The following LINGO2 variants were observed in gnomAD, a reference collection of about 807,000 sequenced individuals.
LINGO2 encodes leucine-rich repeat and immunoglobulin-like domain-containing nogo receptor-interacting protein 2.
In LINGO2, 14 loss-of-function variants were observed where a neutral mutation model predicts 30.6. That is an observed-to-expected ratio of 0.46 (90% CI 0.30 to 0.72). LINGO2 has a LOEUF of 0.72. Ranked by LOEUF, LINGO2 falls within the 30% of genes least tolerant of loss-of-function variation. LINGO2 has a pLI of 0.07. For missense variants in LINGO2, 729 were observed against 751.7 expected, an observed-to-expected ratio of 0.97 and a Z score of 0.35; for synonymous variants, 317 against 288.5, an observed-to-expected ratio of 1.10 and a Z score of -1.00.
At chr9:28,133,995 C>A (rs184100488) in intron 4 of LINGO2, among the ~76,000 whole-genome samples, 4 of 152,222 alleles carry the variant, frequency 2.6e-5, no homozygotes, top group Admixed American at 6.5e-5. Flanking sequence ...CATCATCTAC[C>A]CTATTCTCCA....
At chr9:28,539,435 T>C in intron 1 of LINGO2, among the ~76,000 whole-genome samples, 1 of 152,032 alleles carries the variant, frequency 6.6e-6, no homozygotes, top group Admixed American at 6.6e-5. Context: ...GGTTTCAAAA[T>C]ATAAATGAAC....
chr9:28,250,067 A>G (rs1822142557), intron 4 of LINGO2, among the ~76,000 whole-genome samples: 1 of 152,152 alleles, frequency 6.6e-6, no homozygotes, highest in South Asian at 2.1e-4. Flanking sequence ...TACTGACACC[A>G]AAAGGACTGA....
chr9:28,189,798 G>C (rs570335315), intron 4 of LINGO2, among the ~76,000 whole-genome samples: 1 of 152,018 alleles, frequency 6.6e-6, no homozygotes, highest in Non-Finnish European at 1.5e-5. Flanking sequence ...AAAGCTTGAA[G>C]CAGTTGTGAT....
At chr9:28,842,477 A>T in the LINGO2 span, among the ~76,000 whole-genome samples, 1 of 151,854 alleles carries the variant, frequency 6.6e-6, no homozygotes, top group East Asian at 1.9e-4. Context: ...ATGAATGGAG[A>T]TTGTCATGCC....
chr9:28,698,154 G>A, the LINGO2 span, among the ~76,000 whole-genome samples: 2 of 151,880 alleles, frequency 1.3e-5, no homozygotes, highest in Admixed American at 6.6e-5. Context: ...TAAACTTCAG[G>A]GTGATCTGAG....
chr9:28,944,241 C>T, the LINGO2 span, among the ~76,000 whole-genome samples: 6 of 152,038 alleles, frequency 3.9e-5, no homozygotes, highest in Non-Finnish European at 8.8e-5. Context: ...ACATTCAGAC[C>T]CTTGAAGGAT....
rs566701715 is a variant in LINGO2 at position 28,198,169 on chromosome 9, C to A, written c.-87+97039G>T. ...ATTGAGAAATTTCAGGAAAAAAAAA[C>A]TAAATGTCCATCAATAAGTTGACTC... is the stretch of plus-strand genomic sequence containing the variant. On this transcript the variant is annotated intron_variant, in intron 4 of 5. Coordinates refer to ENST00000379992, the Ensembl canonical transcript of LINGO2. Among the ~76,000 whole-genome samples, 48 of 147,976 alleles carry A rather than the reference C, an allele frequency of 3.2e-4. No homozygotes were observed. In the East Asian group the frequency reaches 3.4e-3, roughly 11 times the overall value.
chr9:27,967,900 A>G (rs145324393), intron 5 of LINGO2, among the ~76,000 whole-genome samples: 47 of 152,304 alleles, frequency 3.1e-4, no homozygotes, highest in Admixed American at 6.5e-4. Context: ...AAACAATTAT[A>G]TATCAGTCAA....
intron 3 of LINGO2, among the ~76,000 whole-genome samples, chr9:28,343,763 A>G (rs1227480008): frequency 6.6e-6 from 1 of 152,108 alleles, no homozygotes; most frequent in African/African-American, 2.4e-5. Flanking sequence ...CACCATTTCT[A>G]TAGGACACAT....
the LINGO2 span, among the ~76,000 whole-genome samples, chr9:29,033,038 A>T: frequency 6.6e-6 from 1 of 152,118 alleles, no homozygotes; most frequent in Admixed American, 6.6e-5. Flanking sequence ...TATAATATAT[A>T]CTTTAATGCT....
the LINGO2 span, among the ~76,000 whole-genome samples, chr9:28,759,272 C>A: frequency 1.3e-5 from 2 of 151,988 alleles, no homozygotes; most frequent in South Asian, 2.1e-4. Flanking sequence ...GTAGATGAGA[C>A]ATTTTGAATA....
the LINGO2 span, among the ~76,000 whole-genome samples, chr9:29,036,417 T>A: frequency 9.2e-5 from 14 of 151,884 alleles, no homozygotes; most frequent in South Asian, 8.3e-4. Context: ...AGAAAAAAAA[T>A]AATGAATCAT....
the LINGO2 span, among the ~76,000 whole-genome samples, chr9:28,961,701 C>T: frequency 6.6e-6 from 1 of 152,114 alleles, no homozygotes; most frequent in African/African-American, 2.4e-5. Flanking sequence ...AACCATCGTT[C>T]AAGGTGAAAA....
chr9:28,561,357 C>T (rs527555972), intron 1 of LINGO2, among the ~76,000 whole-genome samples: 1 of 151,672 alleles, frequency 6.6e-6, no homozygotes, highest in Admixed American at 6.6e-5. Flanking sequence ...AGATACGAAC[C>T]TGAGTATCAT....
the LINGO2 span, among the ~76,000 whole-genome samples, chr9:28,874,798 G>A: frequency 2.0e-5 from 3 of 152,010 alleles, no homozygotes; most frequent in African/African-American, 7.2e-5. Context: ...TCTAGCTTTT[G>A]GTAGTTAAAT....
chr9:28,004,307 TA>T (rs1269785585), intron 5 of LINGO2, among the ~76,000 whole-genome samples: 46 of 152,322 alleles, frequency 3.0e-4, no homozygotes, highest in African/African-American at 1.0e-3. Flanking sequence ...AATGTATATT[TA>T]AATAGACAGT....
chr9:28,134,657 T>C (rs1228987845), intron 4 of LINGO2, among the ~76,000 whole-genome samples: 2 of 152,156 alleles, frequency 1.3e-5, no homozygotes, highest in Non-Finnish European at 2.9e-5. Flanking sequence ...CTGCTGGAGA[T>C]GTAGTAAACA....
intron 2 of LINGO2, among the ~76,000 whole-genome samples, chr9:28,445,933 T>A (rs1184884488): frequency 6.6e-6 from 1 of 152,214 alleles, no homozygotes; most frequent in African/African-American, 2.4e-5. Flanking sequence ...AAGGAGAGAT[T>A]CTACCTGACC....
chr9:28,590,932 C>G (rs962377018), intron 1 of LINGO2, among the ~76,000 whole-genome samples: 11 of 151,984 alleles, frequency 7.2e-5, no homozygotes, highest in South Asian at 2.1e-4. Context: ...TGATAGACTG[C>G]GTTAAGAAAA....
Sources: allele counts gnomAD v4.1 joint callset (sites outside exome capture counted in the v4.1 genomes callset), GRCh38; gene constraint gnomAD v4.1.1; transcripts MANE v1.5; gene names NCBI Gene and HGNC (gene_info 2026-07-23, HGNC 2026-07-21).